Variants in ALOX5 observed in about 807,000 individuals in gnomAD.
The protein encoded by ALOX5 is polyunsaturated fatty acid 5-lipoxygenase.
A neutral mutation model predicts 87.9 loss-of-function variants in ALOX5; 64 were observed. The observed-to-expected ratio is 0.73, with a 90% CI of 0.60 to 0.90. The LOEUF is 0.90. Ranked by LOEUF, ALOX5 falls within the 40% of genes least tolerant of loss-of-function variation. The probability of loss-of-function intolerance (pLI) is 0.00; values close to 1 mark genes in which losing one functional copy is unlikely to be tolerated. For missense variants in ALOX5, 822 were observed against 907.5 expected, an observed-to-expected ratio of 0.91 and a Z score of 1.21; for synonymous variants, 388 against 355.1, an observed-to-expected ratio of 1.09 and a Z score of -1.04.
intron 4 of ALOX5, among the ~76,000 whole-genome samples, chr10:45,412,808 C>G (rs1488621686): frequency 6.6e-6 from 1 of 152,192 alleles, no homozygotes; most frequent in Non-Finnish European, 1.5e-5. Context: ...GGTTGACTAC[C>G]TTCCTTGCCT....
chr10:45,395,242 G>A (rs1422619943), intron 2 of ALOX5, among the ~76,000 whole-genome samples: 2 of 152,214 alleles, frequency 1.3e-5, no homozygotes, highest in African/African-American at 4.8e-5. Context: ...TTAAGAAAAT[G>A]TGGCACATAT....
intron 3 of ALOX5, among the ~76,000 whole-genome samples, chr10:45,408,255 A>T (rs1465840858): frequency 6.6e-6 from 1 of 152,210 alleles, no homozygotes; most frequent in African/African-American, 2.4e-5. Context: ...AGATCCTGAG[A>T]ACATGCACCC....
chr10:45,380,177 A>G (rs1839777527), intron 1 of ALOX5, among the ~76,000 whole-genome samples: 1 of 152,140 alleles, frequency 6.6e-6, no homozygotes, highest in Admixed American at 6.5e-5. Flanking sequence ...CTGTGGCAGG[A>G]AGGCTTTCTC....
intron 13 of ALOX5, 73 bp from the exon 14 acceptor site, chr10:45,445,435 G>T: frequency 2.6e-6 from 4 of 1,536,190 alleles, no homozygotes; most frequent in Non-Finnish European, 3.5e-6. Flanking sequence ...CTGGCCCCTT[G>T]GGATGAGACA....
At chr10:45,422,095 G>A (rs1214407056) in intron 4 of ALOX5, among the ~76,000 whole-genome samples, 1 of 152,116 alleles carries the variant, frequency 6.6e-6, no homozygotes, top group Admixed American at 6.5e-5. Flanking sequence ...TGTTCTGCCT[G>A]GATGCACCCC....
At chr10:45,381,208 C>T (rs775558303) in intron 1 of ALOX5, among the ~76,000 whole-genome samples, 2 of 152,176 alleles carry the variant, frequency 1.3e-5, no homozygotes, top group African/African-American at 4.8e-5. Flanking sequence ...TGGGGTGGTG[C>T]CTTCTAGCTG....
intron 1 of ALOX5, among the ~76,000 whole-genome samples, chr10:45,376,833 G>A (rs17157728): frequency 0.17 from 25,441 of 152,056 alleles, 2,205 homozygotes; most frequent in South Asian, 0.19. Flanking sequence ...CAAGTCCTTC[G>A]CAGGTGGGAT....
At chr10:45,377,504 G>A (rs574667326) in intron 1 of ALOX5, among the ~76,000 whole-genome samples, 6 of 151,752 alleles carry the variant, frequency 4.0e-5, no homozygotes, top group Admixed American at 6.6e-5. Flanking sequence ...CTCAATCTCC[G>A]GCTCTCTGTC....
chr10:45,408,549 T>C (rs1158803898), intron 3 of ALOX5, among the ~76,000 whole-genome samples: 4 of 152,310 alleles, frequency 2.6e-5, no homozygotes, highest in African/African-American at 7.2e-5. Context: ...GTAGAATCAA[T>C]TGTAAATGTT....
At chr10:45,378,226 C>T (rs1354811862) in intron 1 of ALOX5, among the ~76,000 whole-genome samples, 1 of 152,160 alleles carries the variant, frequency 6.6e-6, no homozygotes, top group Non-Finnish European at 1.5e-5. Context: ...CACATTGCCC[C>T]TTTACACTCC....
chr10:45,393,133 T>G (rs917596766), intron 2 of ALOX5, among the ~76,000 whole-genome samples: 5 of 152,290 alleles, frequency 3.3e-5, no homozygotes, highest in African/African-American at 9.6e-5. Flanking sequence ...TACCAAAGCC[T>G]GGCAGATACA....
intron 1 of ALOX5, among the ~76,000 whole-genome samples, chr10:45,379,323 C>G (rs962105656): frequency 2.0e-5 from 3 of 152,142 alleles, no homozygotes; most frequent in South Asian, 2.1e-4. Context: ...AAAGCTACTT[C>G]CCCTGCAGCA....
Position 45,424,530 on chromosome 10 carries a change from G to A in ALOX5, c.661+383G>A, listed in dbSNP as rs147665434. Among the ~76,000 whole-genome samples, 11 of 152,322 alleles carry A rather than the reference G, an allele frequency of 7.2e-5. No homozygotes were observed. The South Asian group carries it at 1.5e-3, about 20-fold the overall frequency. On this transcript the variant is annotated intron_variant, in intron 5 of 13. Coordinates refer to ENST00000374391, the MANE Select transcript of ALOX5 (RefSeq NM_000698.5). ...GCAACTTTGGGTTCCTTTGGACTAG[G>A]ATGTGTTTGATGAGAGCACTAGCTT...
At chr10:45,391,043 T>A (rs1470145364) in intron 2 of ALOX5, among the ~76,000 whole-genome samples, 3 of 40,612 alleles carry the variant, frequency 7.4e-5, no homozygotes, top group Admixed American at 3.3e-4. Flanking sequence ...CTCTCCCATC[T>A]CCCCTCTCCC....
At chr10:45,384,483 G>C (rs1194496298) in intron 2 of ALOX5, among the ~76,000 whole-genome samples, 1 of 152,204 alleles carries the variant, frequency 6.6e-6, no homozygotes. Flanking sequence ...TGGCCATGTA[G>C]CATCAGCTGA....
intron 13 of ALOX5, 151 bp from the exon 14 acceptor site, chr10:45,445,357 T>G (rs1213830815): frequency 1.1e-6 from 1 of 941,014 alleles, no homozygotes. Context: ...GAGGCCCTCT[T>G]GTCAGGCAGC....
intron 3 of ALOX5, among the ~76,000 whole-genome samples, chr10:45,404,821 G>A (rs562444700): frequency 1.5e-3 from 225 of 152,310 alleles, no homozygotes; most frequent in Non-Finnish European, 2.6e-3. Context: ...TGCAGACCAC[G>A]TGTTTTTAAG....
At chr10:45,402,121 T>C (rs1840724281) in intron 3 of ALOX5, among the ~76,000 whole-genome samples, 2 of 151,942 alleles carry the variant, frequency 1.3e-5, no homozygotes, top group South Asian at 2.1e-4. Context: ...TAACCAGTTT[T>C]CACGAGCCAT....
chr10:45,440,602 G>A lies in ALOX5; in HGVS notation c.1154G>A (p.Arg385His), dbSNP rs1443297651. 6.8e-6 allele frequency: 11 copies of A among 1,614,080 alleles called. No homozygotes were observed. The East Asian group carries it at 8.9e-5, about 13-fold the overall frequency. The change falls in exon 8 of 14, where the codon CGC (arginine) becomes CAC (histidine). Residue 385 changes from arginine (R) to histidine (H), a missense_variant. Arg to His is a conservative substitution (Grantham distance 29). Transcript: ENST00000374391. ...GAGGTTTTTGGCATTGCAATGTACC[G>A]CCAGCTGCCTGCTGTGCACCCCATT... ...VSEVFGIAMY[R>H]QLPAVHPIFK...
Sources: allele counts gnomAD v4.1 joint callset (sites outside exome capture counted in the v4.1 genomes callset), GRCh38; gene constraint gnomAD v4.1.1; transcripts MANE v1.5; gene names NCBI Gene and HGNC (gene_info 2026-07-23, HGNC 2026-07-21).